POLA1: variants seen among roughly 807,000 people sequenced by gnomAD.
POLA1 encodes the protein DNA polymerase alpha 1, catalytic subunit, also known as DNA polymerase alpha catalytic subunit.
In POLA1, 15 loss-of-function variants were observed where a neutral mutation model predicts 124.0. That is an observed-to-expected ratio of 0.12 (90% CI 0.08 to 0.19). The LOEUF (loss-of-function observed/expected upper bound fraction) is 0.19. Ranked by LOEUF, POLA1 falls within the 10% of genes least tolerant of loss-of-function variation. The pLI is 1.00. For missense variants in POLA1, 886 were observed against 1,103.4 expected (o/e 0.80, Z 2.79); for synonymous variants, 408 against 389.4 (o/e 1.05, Z -0.56).
At position 24,823,874 on chromosome X, in the gene POLA1, A is replaced by T. The variant is rs1359259119; in HGVS notation, c.3561+2291A>T. ...GGGTTCAGAGAGTAATGTTTTTGGT[A>T]TGTAATTTATATTGTAGGTTGTTAG... is the stretch of plus-strand genomic sequence containing the variant. On this transcript the variant is annotated intron_variant, in intron 31 of 36. Coordinates refer to ENST00000379068, the MANE Select transcript of POLA1 (RefSeq NM_001330360.2). 2.7e-5 allele frequency among the ~76,000 whole-genome samples: 3 copies of T among 112,649 alleles called. No homozygotes were observed. The East Asian group carries it at 8.3e-4, about 31-fold the overall frequency.
chrX:24,841,985 C>A (rs910699474), intron 33 of POLA1, 155 bp downstream of exon 33: 13 of 394,843 alleles, frequency 3.3e-5, no homozygotes, highest in African/African-American at 3.2e-4. Context: ...TCTACCTTCA[C>A]AGCTTGCTTT....
chrX:24,735,963 A>G (rs1301964644), intron 18 of POLA1, among the ~76,000 whole-genome samples: 1 of 111,327 alleles, frequency 9.0e-6, no homozygotes, highest in Admixed American at 9.5e-5. Context: ...GTATATCCCC[A>G]CTAGATAGCT....
At chrX:24,927,006 A>AT (rs367953627) in intron 35 of POLA1, among the ~76,000 whole-genome samples, 22,009 of 101,202 alleles carry the variant, frequency 0.22, 1,921 homozygotes, top group South Asian at 0.36. Context: ...TAATTTTTGT[A>AT]TTTTTTTTTT....
intron 35 of POLA1, among the ~76,000 whole-genome samples, chrX:24,925,970 G>C (rs1216400875): frequency 7.2e-5 from 8 of 111,126 alleles, no homozygotes; most frequent in Non-Finnish European, 1.5e-4. Flanking sequence ...GAAAAAGAAG[G>C]CTGGGTGTGA....
At chrX:24,801,928 T>TGTGG (rs1161397722) in intron 26 of POLA1, among the ~76,000 whole-genome samples, 5 of 91,463 alleles carry the variant, frequency 5.5e-5, no homozygotes, top group Admixed American at 4.8e-4. Context: ...TGGGTGGGTG[T>TGTGG]GTGTGTGTGT....
intron 35 of POLA1, among the ~76,000 whole-genome samples, chrX:24,921,055 C>T (rs1274449193): frequency 1.8e-5 from 2 of 111,646 alleles, no homozygotes; most frequent in Non-Finnish European, 3.8e-5. Flanking sequence ...CATTTACTGA[C>T]CAGATCTAGT....
chrX:24,808,836 T>G (rs763847909), intron 26 of POLA1, among the ~76,000 whole-genome samples: 9 of 111,787 alleles, frequency 8.1e-5, no homozygotes, highest in Non-Finnish European at 1.5e-4. Flanking sequence ...CAAGGAGGAC[T>G]ATTGAAGTAG....
At chrX:24,736,091 G>A (rs968821299) in intron 18 of POLA1, among the ~76,000 whole-genome samples, 2 of 111,239 alleles carry the variant, frequency 1.8e-5, no homozygotes, top group Non-Finnish European at 3.8e-5. Flanking sequence ...TCCTTCATTT[G>A]TCTTTTTTCT....
At chrX:24,703,912 G>T (rs991478038) in intron 3 of POLA1, among the ~76,000 whole-genome samples, 6 of 111,916 alleles carry the variant, frequency 5.4e-5, no homozygotes, top group Non-Finnish European at 1.1e-4. Flanking sequence ...GTTCTCACTT[G>T]TAGGGTCTGA....
At chrX:24,976,746 A>G (rs1336156189) in intron 36 of POLA1, among the ~76,000 whole-genome samples, 1 of 112,444 alleles carries the variant, frequency 8.9e-6, no homozygotes, top group Non-Finnish European at 1.9e-5. Flanking sequence ...TACAAAAAGC[A>G]GTCCCTTTCC....
intron 35 of POLA1, among the ~76,000 whole-genome samples, chrX:24,929,462 G>A (rs920788824): frequency 6.3e-5 from 7 of 111,878 alleles, no homozygotes; most frequent in African/African-American, 2.3e-4. Context: ...TTTGTCATTT[G>A]ATCTTCTCAT....
chrX:24,725,895 G>T, intron 12 of POLA1, 86 bp from the exon 13 acceptor site: 1 of 587,958 alleles, frequency 1.7e-6, no homozygotes, highest in South Asian at 3.0e-5. Context: ...GATTCTTGAT[G>T]ATTAAATACA....
intron 30 of POLA1, among the ~76,000 whole-genome samples, chrX:24,819,941 A>G (rs1569325326): frequency 9.0e-6 from 1 of 111,228 alleles, no homozygotes; most frequent in Non-Finnish European, 1.9e-5. Flanking sequence ...TTTGCTGAGG[A>G]TGATGGTTTC....
At chrX:24,695,627 A>C (rs1927934772) in intron 1 of POLA1, among the ~76,000 whole-genome samples, 1 of 110,625 alleles carries the variant, frequency 9.0e-6, no homozygotes, top group Non-Finnish European at 1.9e-5. Flanking sequence ...ACAGGTGCCC[A>C]CCACCACACC....
intron 35 of POLA1, among the ~76,000 whole-genome samples, chrX:24,889,501 G>A (rs1253941585): frequency 8.9e-6 from 1 of 112,345 alleles, no homozygotes; most frequent in Non-Finnish European, 1.9e-5. Flanking sequence ...GGTCCATAAT[G>A]TGCCTCACTT....
At chrX:24,878,768 A>T (rs1222292048) in intron 34 of POLA1, among the ~76,000 whole-genome samples, 2 of 108,586 alleles carry the variant, frequency 1.8e-5, no homozygotes, top group African/African-American at 6.7e-5. Context: ...AGAACAGACT[A>T]TTTTTTTTCA....
chrX:24,821,463 G>A lies in POLA1; in HGVS notation c.3441G>A (p.Lys1147=). The A allele has an allele frequency of 8.3e-7, 1 of 1,201,133 alleles. No homozygotes were observed. Among genetic ancestry groups the A allele is most frequent in the Non-Finnish European group, 1.1e-6 (1 of 889,857 alleles). Residue 1147 remains lysine (K), a synonymous_variant, in exon 31 of 37, where the codon AAG becomes AAA. Transcript: ENST00000379068. ...SQFEINKALT[K]DPQDYPDKKS... Reference sequence around the variant, plus strand: ...GTTCCCTCTTTTAGGCATTGACAAAGGATCCCCAGGATTACCCTGATAAAA... The same window carrying A: ...GTTCCCTCTTTTAGGCATTGACAAAAGATCCCCAGGATTACCCTGATAAAA...
At chrX:24,785,321 G>T (rs1196569372) in intron 26 of POLA1, among the ~76,000 whole-genome samples, 1 of 111,671 alleles carries the variant, frequency 9.0e-6, no homozygotes, top group Non-Finnish European at 1.9e-5. Flanking sequence ...AAACCCCTTT[G>T]ATCCTTGCCT....
intron 15 of POLA1, among the ~76,000 whole-genome samples, chrX:24,728,439 C>T (rs1486262813): frequency 1.8e-5 from 2 of 111,984 alleles, no homozygotes; most frequent in Non-Finnish European, 3.8e-5. Context: ...CCAGTCCATA[C>T]TTACATGACT....
Sources: allele counts gnomAD v4.1 joint callset (sites outside exome capture counted in the v4.1 genomes callset), GRCh38; gene constraint gnomAD v4.1.1; transcripts MANE v1.5; gene names NCBI Gene and HGNC (gene_info 2026-07-23, HGNC 2026-07-21).